MGAT4A: variants seen among roughly 807,000 people sequenced by gnomAD.
MGAT4A encodes N-acetylglucosaminyltransferase IVa.
MGAT4A carries 33 observed loss-of-function variants against 74.1 expected under a neutral mutation model. That is an observed-to-expected ratio of 0.45 (90% CI 0.34 to 0.60). The LOEUF is 0.60. Among genes scored for constraint, MGAT4A ranks in the 20% least tolerant of loss-of-function variants. MGAT4A has a pLI of 0.02. For synonymous variants in MGAT4A, 198 were observed against 210.4 expected (o/e 0.94, Z 0.51); for missense variants, 479 against 628.3 (o/e 0.76, Z 2.54).
At chr2:98,730,211 T>C (rs1161776676) in intron 1 of MGAT4A, 1 of 152,246 alleles carries the variant, frequency 6.6e-6, no homozygotes, top group Non-Finnish European at 1.5e-5. Flanking sequence ...CCTGCTTCTA[T>C]TTTCCAATGC....
chr2:98,670,913 C>T (rs1023883284), intron 4 of MGAT4A, among the ~76,000 whole-genome samples: 5 of 152,192 alleles, frequency 3.3e-5, no homozygotes, highest in South Asian at 2.1e-4. Flanking sequence ...ATCTAAATAT[C>T]CAACTGCCTA....
chr2:98,645,983 T>C (rs1701478177), intron 8 of MGAT4A, among the ~76,000 whole-genome samples: 1 of 152,170 alleles, frequency 6.6e-6, no homozygotes, highest in Non-Finnish European at 1.5e-5. Flanking sequence ...TTACTGTTAG[T>C]AGTGATAATG....
chr2:98,711,636 TTAAG>T (rs894552759), intron 2 of MGAT4A, among the ~76,000 whole-genome samples: 23 of 152,178 alleles, frequency 1.5e-4, no homozygotes, highest in African/African-American at 5.1e-4. Flanking sequence ...AGCTAACCAC[TTAAG>T]TAACTTACAA....
intron 2 of MGAT4A, among the ~76,000 whole-genome samples, chr2:98,714,196 C>T (rs950315387): frequency 6.6e-6 from 1 of 152,166 alleles, no homozygotes. Flanking sequence ...CAAGCTATTC[C>T]TGTGTCTCAG....
chr2:98,631,440 A>G (rs759971360), intron 14 of MGAT4A, among the ~76,000 whole-genome samples: 12 of 152,062 alleles, frequency 7.9e-5, no homozygotes, highest in Admixed American at 2.0e-4. Flanking sequence ...TCCCACCCAA[A>G]TGTTGCATTT....
At position 98,622,719 on chromosome 2, in the gene MGAT4A, C is replaced by G. The variant is rs1701078947; in HGVS notation, c.*2847G>C. 2 of 985,636 alleles carry G rather than the reference C, an allele frequency of 2.0e-6. No homozygotes were observed. The highest frequency in any genetic ancestry group is 1.1e-4 in the East Asian group (1 of 8,838). 61.1% of individuals were successfully genotyped at this position (985,636 alleles called of 1,614,324 possible). ...CCCACCATAGGAGAGGACAGATGAG[C>G]AGTATGAGCTGCAGGCTCGCCTCAG... On this transcript the variant is annotated 3_prime_UTR_variant, in exon 16 of 16. Coordinates refer to ENST00000393487, the MANE Select transcript of MGAT4A (RefSeq NM_012214.3).
At chr2:98,685,924 G>A (rs1559168919) in intron 2 of MGAT4A, among the ~76,000 whole-genome samples, 2 of 152,058 alleles carry the variant, frequency 1.3e-5, no homozygotes, top group African/African-American at 2.4e-5. Context: ...TTCTAGACTC[G>A]AGCAACCTAG....
At chr2:98,710,653 G>A (rs1702502943) in intron 2 of MGAT4A, among the ~76,000 whole-genome samples, 1 of 151,998 alleles carries the variant, frequency 6.6e-6, no homozygotes, top group South Asian at 2.1e-4. Context: ...ACAGATGGGG[G>A]GCGGGGAGGC....
At chr2:98,701,658 T>C (rs963660253) in intron 2 of MGAT4A, among the ~76,000 whole-genome samples, 2 of 152,188 alleles carry the variant, frequency 1.3e-5, no homozygotes, top group Admixed American at 1.3e-4. Flanking sequence ...AATAATACCA[T>C]GCCAAGTGCA....
chr2:98,716,154 A>G (rs569089420), intron 2 of MGAT4A, among the ~76,000 whole-genome samples: 34 of 152,074 alleles, frequency 2.2e-4, no homozygotes, highest in African/African-American at 8.2e-4. Flanking sequence ...CCCTGTCTCT[A>G]CAAAAAATTT....
chr2:98,623,644 T>TA lies in MGAT4A; in HGVS notation c.*1921dup. 1 of 985,378 alleles carries TA rather than the reference T, an allele frequency of 1.0e-6. No homozygotes were observed. The highest frequency in any genetic ancestry group is 1.2e-6 in the Non-Finnish European group (1 of 829,856). The allele number at this position is 985,378 out of a possible 1,614,324, so 61.0% of individuals were successfully genotyped here. ...TAATAAAAAAATTTCAACTGGCCTT[T>TA]AACTGACATAAAAATCATTTTTGGC... On this transcript the variant is annotated 3_prime_UTR_variant, in exon 16 of 16. Transcript: ENST00000393487.
intron 9 of MGAT4A, 87 bp from the exon 10 acceptor site, chr2:98,644,140 C>T: frequency 7.8e-7 from 1 of 1,282,000 alleles, no homozygotes; most frequent in African/African-American, 1.5e-5. Context: ...CCACGACATA[C>T]ACTGAGGCTT....
chr2:98,645,565 A>G lies in MGAT4A; in HGVS notation c.775-23T>C, dbSNP rs199561945. 1.2e-5 allele frequency: 17 copies of G among 1,464,076 alleles called. No individual in the cohort carries two copies. In the East Asian group the frequency reaches 3.8e-4, roughly 33 times the overall value. 90.7% of individuals were successfully genotyped at this position (1,464,076 alleles called of 1,614,324 possible). ...AAGCTAGAGAAAATTGAACAATCAT[A>G]TTAATACATCAAAAAAAGAAAGGTA... is the stretch of plus-strand genomic sequence containing the variant. On this transcript the variant is annotated intron_variant, in intron 8 of 15. Transcript: ENST00000393487.
At chr2:98,668,564 A>T (rs945423402) in intron 4 of MGAT4A, among the ~76,000 whole-genome samples, 1 of 152,234 alleles carries the variant, frequency 6.6e-6, no homozygotes, top group African/African-American at 2.4e-5. Context: ...CGGAAGGGAC[A>T]TGTGGGGTCA....
At chr2:98,678,283 T>C (rs978948209) in intron 3 of MGAT4A, 21 bp downstream of exon 3, 3 of 983,442 alleles carry the variant, frequency 3.1e-6, no homozygotes, top group Admixed American at 3.3e-5. Context: ...CTTTTTATAA[T>C]ATAAAAAATA....
intron 4 of MGAT4A, among the ~76,000 whole-genome samples, chr2:98,668,386 C>T (rs1184590367): frequency 6.6e-6 from 1 of 152,204 alleles, no homozygotes; most frequent in Non-Finnish European, 1.5e-5. Context: ...AGGGTGCAAG[C>T]CCCAAGCCTT....
At chr2:98,717,004 C>T (rs1015486538) in intron 2 of MGAT4A, among the ~76,000 whole-genome samples, 6 of 152,022 alleles carry the variant, frequency 3.9e-5, no homozygotes, top group South Asian at 2.1e-4. Context: ...TACAGAGGGC[C>T]GACGGTGCCT....
rs1213131253 is a variant in MGAT4A, at chr2:98,660,138, T to A, written c.538-1874A>T. ...AGAGAACAATCCCATTTAAAATAGC[T>A]ACCAAAAAAATACTTAGGAAAAAAT... On this transcript the variant is annotated intron_variant, in intron 5 of 15. Coordinates refer to ENST00000393487, the MANE Select transcript of MGAT4A (RefSeq NM_012214.3). Among the ~76,000 whole-genome samples the A allele has an allele frequency of 3.9e-5, 6 of 152,224 alleles. 1 individual carries two copies. The highest frequency in any genetic ancestry group is 2.1e-4 in the South Asian group (1 of 4,826).
chr2:98,649,462 C>A (rs1040714882), intron 8 of MGAT4A, among the ~76,000 whole-genome samples: 2 of 152,122 alleles, frequency 1.3e-5, no homozygotes, highest in African/African-American at 4.8e-5. Flanking sequence ...TTGGTGTATA[C>A]CCAGTGTTTT....
Sources: allele counts gnomAD v4.1 joint callset (sites outside exome capture counted in the v4.1 genomes callset), GRCh38; gene constraint gnomAD v4.1.1; transcripts MANE v1.5; gene names NCBI Gene and HGNC (gene_info 2026-07-23, HGNC 2026-07-21).